The following FER variants were observed in gnomAD, a reference collection of about 807,000 sequenced individuals.
FER encodes the protein FER tyrosine kinase.
In FER, 63 loss-of-function variants were observed where a neutral mutation model predicts 111.0. The ratio of observed to expected loss-of-function variants is 0.57; its 90% CI spans 0.46 to 0.70. The LOEUF (loss-of-function observed/expected upper bound fraction) is 0.70. FER is among the 30% of genes least tolerant of loss of function. The pLI is 0.00. For synonymous variants in FER, 327 were observed against 313.9 expected, an observed-to-expected ratio of 1.04 and a Z score of -0.44; for missense variants, 914 against 954.0, an observed-to-expected ratio of 0.96 and a Z score of 0.55.
At chr5:108,905,255 G>T (rs542082176) in intron 10 of FER, among the ~76,000 whole-genome samples, 1 of 151,986 alleles carries the variant, frequency 6.6e-6, no homozygotes, top group Non-Finnish European at 1.5e-5. Flanking sequence ...ACTGTTATCT[G>T]TGTTCATATT....
chr5:108,888,015 G>C (rs955180056), intron 9 of FER, among the ~76,000 whole-genome samples: 1 of 151,766 alleles, frequency 6.6e-6, no homozygotes, highest in African/African-American at 2.4e-5. Context: ...TAAAATGATA[G>C]AGCCATGCAG....
intron 17 of FER, among the ~76,000 whole-genome samples, chr5:109,146,269 T>G (rs1477869431): frequency 1.9e-5 from 1 of 52,366 alleles, no homozygotes; most frequent in Non-Finnish European, 4.5e-5. Flanking sequence ...TATATATATA[T>G]ATATATATAT....
At chr5:109,045,658 G>A (rs868357532) in intron 15 of FER, among the ~76,000 whole-genome samples, 1 of 152,152 alleles carries the variant, frequency 6.6e-6, no homozygotes, top group Non-Finnish European at 1.5e-5. Flanking sequence ...ACTATTAAAC[G>A]TCAACTCTTA....
intron 16 of FER, among the ~76,000 whole-genome samples, chr5:109,075,755 A>G (rs1776271109): frequency 6.6e-6 from 1 of 152,140 alleles, no homozygotes; most frequent in Non-Finnish European, 1.5e-5. Flanking sequence ...CCTGTCTACC[A>G]CTTAAAAACA....
intron 10 of FER, among the ~76,000 whole-genome samples, chr5:108,912,589 G>C (rs1192896223): frequency 6.6e-6 from 1 of 152,096 alleles, no homozygotes; most frequent in Non-Finnish European, 1.5e-5. Flanking sequence ...TTCGAACTCT[G>C]ACCTCAGGTG....
At chr5:108,849,482 T>C (rs898041221) in intron 5 of FER, among the ~76,000 whole-genome samples, 4 of 152,068 alleles carry the variant, frequency 2.6e-5, no homozygotes, top group African/African-American at 7.2e-5. Flanking sequence ...GTTGTTGTTT[T>C]GTTTTGTTGT....
At chr5:109,170,442 G>C (rs1756991129) in intron 17 of FER, among the ~76,000 whole-genome samples, 1 of 152,088 alleles carries the variant, frequency 6.6e-6, no homozygotes, top group African/African-American at 2.4e-5. Context: ...CAAAGAACTA[G>C]AGCTTTGGAG....
chr5:109,121,444 C>T (rs1264484791), intron 17 of FER, among the ~76,000 whole-genome samples: 3 of 152,236 alleles, frequency 2.0e-5, no homozygotes, highest in Admixed American at 6.5e-5. Flanking sequence ...TGGGATAAAT[C>T]CCACTTGGTC....
At chr5:108,766,246 A>G (rs142111692) in intron 1 of FER, among the ~76,000 whole-genome samples, 179 of 152,302 alleles carry the variant, frequency 1.2e-3, no homozygotes, top group Non-Finnish European at 2.3e-3. Flanking sequence ...TTAAAATTTT[A>G]TATTTAAAAA....
At chr5:108,948,146 G>A (rs1757234834) in intron 11 of FER, among the ~76,000 whole-genome samples, 1 of 152,084 alleles carries the variant, frequency 6.6e-6, no homozygotes, top group Admixed American at 6.6e-5. Context: ...ATAGGAAAAT[G>A]AAATTAGAAT....
In FER at chr5:108,910,882, A is replaced by G. The variant is rs191038744; in HGVS notation, c.1236+13034A>G. On this transcript the variant is annotated intron_variant, in intron 10 of 19. Transcript: ENST00000281092. The stretch of plus-strand genomic sequence containing the variant: ...ATATATACCACATTTCCTTTATCCA[A>G]TCAACTATTGGTGGATATTTAGGTT... Among the ~76,000 whole-genome samples, 575 of 152,072 alleles carry G rather than the reference A, an allele frequency of 3.8e-3. 3 individuals are homozygous for G. The highest frequency in any genetic ancestry group is 0.014 in the Middle Eastern group (4 of 294).
chr5:109,128,632 A>C (rs1561931825), intron 17 of FER, among the ~76,000 whole-genome samples: 2 of 152,120 alleles, frequency 1.3e-5, no homozygotes, highest in Non-Finnish European at 2.9e-5. Flanking sequence ...TTGTATTAAG[A>C]TGTTCACACT....
chr5:108,976,438 T>C (rs528993822), intron 13 of FER, among the ~76,000 whole-genome samples: 7 of 152,290 alleles, frequency 4.6e-5, no homozygotes, highest in Non-Finnish European at 8.8e-5. Context: ...CTAGTTCACC[T>C]GCCCAATTTA....
At chr5:108,816,917 C>G (rs1013535318) in intron 3 of FER, among the ~76,000 whole-genome samples, 1 of 151,644 alleles carries the variant, frequency 6.6e-6, no homozygotes, top group African/African-American at 2.4e-5. Context: ...GCCTGGGCAA[C>G]GTGGCAAAAT....
chr5:108,983,974 T>C (rs78933371), intron 13 of FER, among the ~76,000 whole-genome samples: 4,128 of 152,252 alleles, frequency 0.027, 69 homozygotes, highest in African/African-American at 0.053. Flanking sequence ...TCAGCAAATA[T>C]TTATTGAGCA....
chr5:109,023,879 C>T, intron 13 of FER, among the ~76,000 whole-genome samples: 1 of 152,052 alleles, frequency 6.6e-6, no homozygotes, highest in East Asian at 1.9e-4. Flanking sequence ...AGATGATGGA[C>T]TCCCCTTTCC....
At chr5:109,101,915 A>G (rs1025235890) in intron 17 of FER, among the ~76,000 whole-genome samples, 4 of 152,130 alleles carry the variant, frequency 2.6e-5, no homozygotes, top group Admixed American at 2.0e-4. Flanking sequence ...GATTTATTTC[A>G]TACCATTAGA....
chr5:109,174,861 G>C (rs1303283054), intron 17 of FER, among the ~76,000 whole-genome samples: 1 of 152,138 alleles, frequency 6.6e-6, no homozygotes, highest in Non-Finnish European at 1.5e-5. Flanking sequence ...ATAGTAGGTG[G>C]CTAAAATTAC....
chr5:109,180,751 C>G lies in FER; in HGVS notation c.2053C>G (p.Leu685Val). 1 of 1,610,550 alleles carries G rather than the reference C, an allele frequency of 6.2e-7. No homozygotes were observed. The highest frequency in any genetic ancestry group is 2.2e-5 in the East Asian group (1 of 44,714). The change falls in exon 18 of 20, where the codon CTT (leucine) becomes GTT (valine). Residue 685 changes from leucine (L) to valine (V), a missense_variant. Leu to Val is a conservative substitution (Grantham distance 32). This residue lies in a region of FER where 6 missense variants were observed against 22.0 expected (regional missense o/e 0.27). Transcript: ENST00000281092. ...LESKNCIHRD[L>V]AARNCLVGEN... The stretch of plus-strand genomic sequence containing the variant: ...CTGTGTCTTACTGTAACCTAGGGAC[C>G]TTGCTGCAAGAAACTGCCTGGTAGG...
Sources: allele counts gnomAD v4.1 joint callset (sites outside exome capture counted in the v4.1 genomes callset), GRCh38; gene constraint gnomAD v4.1.1; regional missense constraint gnomAD v4.1.1; transcripts MANE v1.5; gene names NCBI Gene and HGNC (gene_info 2026-07-23, HGNC 2026-07-21).